FLNC: variants seen among roughly 807,000 people sequenced by gnomAD.
FLNC encodes filamin-C.
A neutral mutation model predicts 254.3 loss-of-function variants in FLNC; 91 were observed. The observed-to-expected ratio is 0.36, with a 90% CI of 0.30 to 0.43. The LOEUF is 0.43. Ranked by LOEUF, FLNC falls within the 20% of genes least tolerant of loss-of-function variation. The probability of loss-of-function intolerance (pLI) is 1.00; values close to 1 mark genes in which losing one functional copy is unlikely to be tolerated. For missense variants in FLNC, 2,853 were observed against 3,802.6 expected (o/e 0.75, Z 6.57); for synonymous variants, 1,430 against 1,577.2 (o/e 0.91, Z 2.21).
chr7:128,850,583 G>A, intron 32 of FLNC, 100 bp downstream of exon 32: 3 of 1,087,400 alleles, frequency 2.8e-6, no homozygotes, highest in South Asian at 1.3e-5. Context: ...CCAGAGAGAG[G>A]AAGTGAGCTC....
intron 18 of FLNC, 91 bp downstream of exon 18, chr7:128,843,668 C>G (rs1356427206): frequency 3.9e-6 from 6 of 1,534,806 alleles, no homozygotes; most frequent in Non-Finnish European, 5.4e-6. Flanking sequence ...GTTCTGGATC[C>G]TCCACGCCTT....
intron 8 of FLNC, 91 bp from the exon 9 acceptor site, chr7:128,839,932 G>T: frequency 6.5e-7 from 1 of 1,528,020 alleles, no homozygotes; most frequent in Non-Finnish European, 8.9e-7. Flanking sequence ...CCTGTGCCTG[G>T]GAGGGGTTAG....
In FLNC at chr7:128,851,334, C is replaced by T. The variant is rs748750735; in HGVS notation, c.5642C>T (p.Thr1881Ile). 5 of 1,614,166 alleles carry T rather than the reference C, an allele frequency of 3.1e-6. No homozygotes were observed. The East Asian group carries it at 8.9e-5, about 29-fold the overall frequency. ...ATGGTCAACAAGCCAGCCACCTTCA[C>T]TATTGTCACCAAAGATGCTGGAGAA... is the stretch of plus-strand genomic sequence containing the variant. ...HGMVNKPATF[T>I]IVTKDAGEGG... Residue 1881 changes from threonine (T) to isoleucine (I), a missense_variant, in exon 34 of 48, where the codon ACT (threonine) becomes ATT (isoleucine). Physicochemically the swap from Thr to Ile is moderately conservative, Grantham distance 89 (BLOSUM62 -1). Coordinates refer to ENST00000325888, the MANE Select transcript of FLNC (RefSeq NM_001458.5).
intron 21 of FLNC, among the ~76,000 whole-genome samples, 195 bp from the exon 22 acceptor site, chr7:128,845,795 G>A (rs1346238431): frequency 6.6e-6 from 1 of 150,788 alleles, no homozygotes; most frequent in South Asian, 2.1e-4. Context: ...AGGGGAGGGT[G>A]TGGGGCCCAG....
In FLNC at chr7:128,841,993, G is replaced by A. The variant is rs1042506123; in HGVS notation, c.2122-238G>A. Among the ~76,000 whole-genome samples the A allele has an allele frequency of 2.0e-5, 3 of 152,162 alleles. No individual in the cohort carries two copies. The highest frequency in any genetic ancestry group is 4.4e-5 in the Non-Finnish European group (3 of 68,024). ...CACTCTTCCTGTCCAACACATTTCA[G>A]AGTTGAGGAAACCTAGGCTGGGAGA... On this transcript the variant is annotated intron_variant, in intron 13 of 47. Transcript: ENST00000325888. This position sits in a 1 kb window ranked among gnomAD's most constrained non-coding sequence, Gnocchi z 4.3.
rs1283157933 is a variant in FLNC, at chr7:128,856,911, A to G, written c.7551A>G (p.Gly2517=). 6.2e-7 allele frequency: 1 copy of G among 1,613,798 alleles called. No homozygotes were observed. The highest frequency in any genetic ancestry group is 8.5e-7 in the Non-Finnish European group (1 of 1,179,952). Residue 2517 remains glycine, a synonymous_variant, in exon 45 of 48, where the codon GGA becomes GGG. Transcript: ENST00000325888. This position sits in a 1 kb window ranked among gnomAD's most constrained non-coding sequence, Gnocchi z 5.9. ...CAGCCTACGGTCCTGGGCTCGAGGG[A>G]GGCACTACCGGTGAGTGCCTGGAGC... The part of the protein sequence containing the change: ...LVSAYGPGLE[G]GTTGVSSEFI...
chr7:128,852,085 C>T (rs1436943220), intron 35 of FLNC, among the ~76,000 whole-genome samples: 3 of 152,084 alleles, frequency 2.0e-5, no homozygotes, highest in African/African-American at 7.2e-5. Context: ...AGGATGGTCT[C>T]GATCTCCTGA....
At chr7:128,843,640 T>C in intron 18 of FLNC, 63 bp downstream of exon 18, 1 of 1,582,726 alleles carries the variant, frequency 6.3e-7, no homozygotes, top group South Asian at 1.1e-5. Context: ...GTCTCCCTCC[T>C]CCAGTCCCAT....
In FLNC at chr7:128,835,369, C is replaced by G; in HGVS notation, c.396C>G (p.Gly132=). 1.2e-6 allele frequency: 2 copies of G among 1,614,016 alleles called. No individual in the cohort carries two copies. The highest frequency in any genetic ancestry group is 2.2e-5 in the South Asian group (2 of 91,084). Residue 132 remains glycine, a synonymous_variant, in exon 2 of 48, where the codon GGC becomes GGG. Transcript: ENST00000325888. The surrounding 1 kb of genome is among the most constrained non-coding windows in gnomAD (Gnocchi z 5.3). ...ATGGGAACCTGAAGCTGATCCTGGG[C>G]CTGATCTGGACGCTGATCCTGCACT... ...IVDGNLKLIL[G]LIWTLILHYS...
rs1389574143 is a variant in FLNC, at chr7:128,838,264, T to G, written c.1048-3T>G. 3 of 1,613,698 alleles carry G rather than the reference T, an allele frequency of 1.9e-6. No individual in the cohort carries two copies. In the Admixed American group the frequency reaches 5.0e-5, roughly 27 times the overall value. Reference sequence around the variant, plus strand: ...AAGCTAACCTTTGACCTCTGACCCCTAGGTGACCGTGCTCTTTGCTGGCCA... The same window carrying G: ...AAGCTAACCTTTGACCTCTGACCCCGAGGTGACCGTGCTCTTTGCTGGCCA... On this transcript the variant is annotated splice_polypyrimidine_tract_variant and splice_region_variant and intron_variant, in intron 6 of 47. Transcript: ENST00000325888.
At chr7:128,838,246 C>T (rs748978851) in intron 6 of FLNC, 21 bp from the exon 7 acceptor site, 2 of 1,613,092 alleles carry the variant, frequency 1.2e-6, no homozygotes. Context: ...TAGAAGCTAA[C>T]CTTTGACCTC....
intron 8 of FLNC, 30 bp from the exon 9 acceptor site, chr7:128,839,993 C>G: frequency 6.2e-7 from 1 of 1,608,194 alleles, no homozygotes; most frequent in Non-Finnish European, 8.5e-7. Context: ...CCCCTCAGCA[C>G]CCCCAACCTC....
Position 128,841,062 on chromosome 7 carries a change from C to A in FLNC, c.1813+92C>A, listed in dbSNP as rs956584588. 6.4e-7 allele frequency: 1 copy of A among 1,564,384 alleles called. No homozygotes were observed. The highest frequency in any genetic ancestry group is 1.4e-5 in the African/African-American group (1 of 74,000). ...TGGGTGCAGTGCGCATGCTGGGGAG[C>A]GCTGGGGTGAGCAGGGAGATAGGAC... On this transcript the variant is annotated intron_variant, in intron 11 of 47. Transcript: ENST00000325888. This position sits in a 1 kb window ranked among gnomAD's most constrained non-coding sequence, Gnocchi z 4.3.
rs372172779 is a variant in FLNC, at chr7:128,858,175, G to A, written c.7948G>A (p.Val2650Met). ...TRGPGLSQAFVGQKNSFTVDC... is the reference protein window; with the variant it reads ...TRGPGLSQAFMGQKNSFTVDC... ...GGGCCCTGGGCTGTCCCAGGCCTTC[G>A]TGGGCCAGAAGAACTCCTTCACCGT... The change falls in exon 47 of 48, where the codon GTG (valine) becomes ATG (methionine). Residue 2650 changes from valine (V) to methionine (M), a missense_variant. This residue lies in a region of FLNC where 197 missense variants were observed against 351.5 expected (regional missense o/e 0.56). Coordinates refer to ENST00000325888, the MANE Select transcript of FLNC (RefSeq NM_001458.5). The surrounding 1 kb of genome is among the most constrained non-coding windows in gnomAD (Gnocchi z 6.7). 35 of 1,563,640 alleles carry A rather than the reference G, an allele frequency of 2.2e-5. No individual in the cohort carries two copies. The highest frequency in any genetic ancestry group is 1.1e-4 in the African/African-American group (8 of 74,296).
intron 21 of FLNC, among the ~76,000 whole-genome samples, chr7:128,845,768 G>A (rs1808534983): frequency 6.6e-6 from 1 of 151,322 alleles, no homozygotes; most frequent in African/African-American, 2.4e-5. Flanking sequence ...GGCAGAGGCT[G>A]GAGCTCACAG....
intron 8 of FLNC, among the ~76,000 whole-genome samples, chr7:128,839,258 T>C (rs1416404672): frequency 1.3e-5 from 2 of 152,204 alleles, no homozygotes; most frequent in African/African-American, 4.8e-5. Flanking sequence ...TTCCTTGGCA[T>C]TCTGTGGCAG....
chr7:128,854,360 G>A, intron 40 of FLNC, 53 bp from the exon 41 acceptor site: 1 of 1,595,630 alleles, frequency 6.3e-7, no homozygotes, highest in Non-Finnish European at 8.5e-7. Flanking sequence ...GGAGGGAAGG[G>A]CCAGGGCTAG....
In FLNC at chr7:128,844,105, A is replaced by C. The variant is rs1808454735; in HGVS notation, c.3031A>C (p.Ile1011Leu). ...VRMTSPSRRPIPCKLEPGGGA... is the reference protein window; with the variant it reads ...VRMTSPSRRPLPCKLEPGGGA... ...GATGACTTCGCCCTCTCGCCGGCCC[A>C]TCCCCTGCAAGCTGGAGCCAGGCGG... The change falls in exon 20 of 48, where the codon ATC (isoleucine) becomes CTC (leucine). Residue 1011 changes from isoleucine (I) to leucine (L), a missense_variant. This residue lies in a region of FLNC where 1,573 missense variants were observed against 1,883.5 expected (regional missense o/e 0.84). Coordinates refer to ENST00000325888, the MANE Select transcript of FLNC (RefSeq NM_001458.5). 1 of 1,613,948 alleles carries C rather than the reference A, an allele frequency of 6.2e-7. No homozygotes were observed. Among genetic ancestry groups the C allele is most frequent in the Admixed American group, 1.7e-5 (1 of 60,024 alleles).
rs1808439248 is a variant in FLNC at position 128,843,783 on chromosome 7, T to C, written c.2812-13T>C. ...CCTTATATCCAGTTCTGACCTACCA[T>C]TGTACCCAACAGGGCAACATGGCAG... On this transcript the variant is annotated splice_polypyrimidine_tract_variant and intron_variant, in intron 18 of 47. Coordinates refer to ENST00000325888, the MANE Select transcript of FLNC (RefSeq NM_001458.5). 2 of 1,611,264 alleles carry C rather than the reference T, an allele frequency of 1.2e-6. No individual in the cohort carries two copies. The highest frequency in any genetic ancestry group is 1.3e-5 in the African/African-American group (1 of 74,880).
Sources: gnomAD v4.1 joint callset for allele counts (sites outside exome capture counted in the v4.1 genomes callset) on GRCh38, gnomAD v4.1.1 for gene constraint, gnomAD v4.1.1 regional missense constraint, Gnocchi (gnomAD v3.1) non-coding constraint, MANE v1.5 for transcripts, NCBI Gene and HGNC (gene_info 2026-07-23, HGNC 2026-07-21) for gene names.